Variants in PBX4 observed in about 807,000 individuals in gnomAD.
PBX4 encodes PBX homeobox 4, also known as pre-B-cell leukemia transcription factor 4.
Under a neutral mutation model 35.1 loss-of-function variants are expected in PBX4, and 26 were observed. The ratio of observed to expected loss-of-function variants is 0.74; its 90% confidence interval spans 0.54 to 1.03. PBX4 has a LOEUF of 1.03. Ranked by LOEUF, PBX4 falls within the 50% of genes least tolerant of loss-of-function variation. The pLI, the probability that PBX4 is intolerant of heterozygous loss-of-function variation, is 0.00. For missense variants in PBX4, 448 were observed against 504.3 expected, an observed-to-expected ratio of 0.89 and a Z score of 1.07; for synonymous variants, 199 against 204.2, an observed-to-expected ratio of 0.97 and a Z score of 0.22.
At chr19:19,565,372 G>A (rs1367933929) in intron 5 of PBX4, among the ~76,000 whole-genome samples, 5 of 152,216 alleles carry the variant, frequency 3.3e-5, no homozygotes, top group Admixed American at 3.3e-4. Context: ...GGGCTGGAAG[G>A]AAAACAAGAC....
chr19:19,565,873 G>A (rs760317379), intron 5 of PBX4, among the ~76,000 whole-genome samples: 6 of 151,974 alleles, frequency 3.9e-5, no homozygotes, highest in East Asian at 1.9e-4. Flanking sequence ...AGCCAAGATC[G>A]CACTGCAATT....
intron 2 of PBX4, among the ~76,000 whole-genome samples, chr19:19,571,831 G>A (rs1296473395): frequency 6.6e-6 from 1 of 151,856 alleles, no homozygotes; most frequent in African/African-American, 2.4e-5. Flanking sequence ...TCAGGAGTTC[G>A]AGATCAGCCT....
At chr19:19,591,362 A>C (rs2061526700) in intron 2 of PBX4, among the ~76,000 whole-genome samples, 2 of 152,232 alleles carry the variant, frequency 1.3e-5, no homozygotes, top group Non-Finnish European at 2.9e-5. Flanking sequence ...CTGACGAGGA[A>C]GGGAAAGAAT....
At chr19:19,580,315 C>T (rs2061446330) in intron 2 of PBX4, among the ~76,000 whole-genome samples, 2 of 152,242 alleles carry the variant, frequency 1.3e-5, no homozygotes, top group Admixed American at 1.3e-4. Flanking sequence ...CTACTGAGTG[C>T]TGGGCCTGAG....
intron 1 of PBX4, among the ~76,000 whole-genome samples, chr19:19,609,877 C>G (rs1346715372): frequency 6.6e-6 from 1 of 151,990 alleles, no homozygotes; most frequent in African/African-American, 2.4e-5. Flanking sequence ...GAAAGAAAAA[C>G]AAACAGTGAA....
Position 19,562,007 on chromosome 19 carries a change from C to T in PBX4, c.*18G>A. On this transcript the variant is annotated 3_prime_UTR_variant, in exon 8 of 8. Coordinates refer to ENST00000251203, the MANE Select transcript of PBX4 (RefSeq NM_025245.3). This position sits in a 1 kb window ranked among gnomAD's most constrained non-coding sequence, Gnocchi z 4.8. ...CATGGCAGCTCACGCAGCGCTCTTTCCTGCTTATCCCCCAAACTTAATTAG... is the reference window on the plus strand; with the variant it reads ...CATGGCAGCTCACGCAGCGCTCTTTTCTGCTTATCCCCCAAACTTAATTAG... 6.2e-7 allele frequency: 1 copy of T among 1,602,532 alleles called. No homozygotes were observed. Among genetic ancestry groups the T allele is most frequent in the African/African-American group, 1.3e-5 (1 of 74,726 alleles).
At chr19:19,590,322 G>GA (rs1295948405) in intron 2 of PBX4, among the ~76,000 whole-genome samples, 1 of 152,062 alleles carries the variant, frequency 6.6e-6, no homozygotes, top group African/African-American at 2.4e-5. Context: ...CACAGCATGT[G>GA]ATGTGACACT....
chr19:19,605,565 G>A (rs1234705012), intron 1 of PBX4, among the ~76,000 whole-genome samples: 2 of 151,786 alleles, frequency 1.3e-5, no homozygotes, highest in Non-Finnish European at 2.9e-5. Context: ...GATCAAGGCT[G>A]CAGTGAGCTG....
At chr19:19,605,840 A>ATTTTTTTTTTTTTTTTTT (rs71338333) in intron 1 of PBX4, among the ~76,000 whole-genome samples, 4 of 123,090 alleles carry the variant, frequency 3.2e-5, no homozygotes, top group Non-Finnish European at 6.8e-5. Flanking sequence ...AGGCTCTAGG[A>ATTTTTTTTTTTTTTTTTT]TTTTTTTTTT....
intron 2 of PBX4, among the ~76,000 whole-genome samples, chr19:19,580,134 C>G (rs2061444900): frequency 6.6e-6 from 1 of 152,216 alleles, no homozygotes; most frequent in South Asian, 2.1e-4. Flanking sequence ...TCTGATCACA[C>G]AGGCGCAGGC....
chr19:19,572,612 C>T (rs925258122), intron 2 of PBX4, among the ~76,000 whole-genome samples: 1 of 151,804 alleles, frequency 6.6e-6, no homozygotes, highest in Non-Finnish European at 1.5e-5. Context: ...CGCCTGTAAT[C>T]CCAGCACTTT....
At position 19,563,631 on chromosome 19, in the gene PBX4, G is replaced by A; in HGVS notation, c.926-16C>T. 1 of 1,545,126 alleles carries A rather than the reference G, an allele frequency of 6.5e-7. No homozygotes were observed. The highest frequency in any genetic ancestry group is 8.7e-7 in the Non-Finnish European group (1 of 1,143,526). ...CCAGAGGAGCCTGGAAGAGATGGGAGCCGGGGTGGGCAGAGTCGTGGCGCC... is the reference window on the plus strand; with the variant it reads ...CCAGAGGAGCCTGGAAGAGATGGGAACCGGGGTGGGCAGAGTCGTGGCGCC... On this transcript the variant is annotated splice_polypyrimidine_tract_variant and intron_variant, in intron 6 of 7. Coordinates refer to ENST00000251203, the MANE Select transcript of PBX4 (RefSeq NM_025245.3). This position sits in a 1 kb window ranked among gnomAD's most constrained non-coding sequence, Gnocchi z 5.1.
intron 1 of PBX4, among the ~76,000 whole-genome samples, chr19:19,617,231 G>C (rs2061693248): frequency 6.6e-6 from 1 of 152,028 alleles, no homozygotes; most frequent in Non-Finnish European, 1.5e-5. Flanking sequence ...GCCCAGGCTG[G>C]TCTCAAACTG....
At chr19:19,605,681 A>G (rs1276604553) in intron 1 of PBX4, among the ~76,000 whole-genome samples, 2 of 151,794 alleles carry the variant, frequency 1.3e-5, no homozygotes, top group Non-Finnish European at 2.9e-5. Flanking sequence ...TGTTGTCCAG[A>G]CTGGTCTCAA....
At chr19:19,586,698 C>A (rs1166339045) in intron 2 of PBX4, among the ~76,000 whole-genome samples, 3 of 152,104 alleles carry the variant, frequency 2.0e-5, no homozygotes, top group African/African-American at 7.2e-5. Flanking sequence ...GTAATCCCAG[C>A]ACTTTGGGAG....
intron 2 of PBX4, among the ~76,000 whole-genome samples, chr19:19,572,934 T>C (rs1320293616): frequency 1.4e-5 from 2 of 141,890 alleles, no homozygotes; most frequent in Non-Finnish European, 3.1e-5. Context: ...ACAAATTTTA[T>C]AAACCAGGAT....
intron 1 of PBX4, among the ~76,000 whole-genome samples, chr19:19,607,115 A>G (rs2061636215): frequency 1.3e-5 from 2 of 152,136 alleles, no homozygotes; most frequent in South Asian, 2.1e-4. Context: ...ATGCAGTGGC[A>G]TGATCTCAGC....
chr19:19,608,882 C>T (rs2061646532), intron 1 of PBX4, among the ~76,000 whole-genome samples: 1 of 152,190 alleles, frequency 6.6e-6, no homozygotes, highest in African/African-American at 2.4e-5. Context: ...CTCTGGTCCC[C>T]GTGTCACCGC....
At chr19:19,573,781 G>A (rs2061402227) in intron 2 of PBX4, among the ~76,000 whole-genome samples, 2 of 151,992 alleles carry the variant, frequency 1.3e-5, no homozygotes, top group South Asian at 4.2e-4. Context: ...CCAGGCTGGA[G>A]TGCAATAGCA....
Sources: allele counts gnomAD v4.1 joint callset (sites outside exome capture counted in the v4.1 genomes callset), GRCh38; gene constraint gnomAD v4.1.1; non-coding constraint Gnocchi (gnomAD v3.1); transcripts MANE v1.5; gene names NCBI Gene and HGNC (gene_info 2026-07-23, HGNC 2026-07-21).